The following BICC1 variants were observed in gnomAD, a reference collection of about 807,000 sequenced individuals.
BICC1 encodes the protein protein bicaudal C homolog 1.
BICC1 carries 43 observed loss-of-function variants against 111.0 expected under a neutral mutation model. That is an observed-to-expected ratio of 0.39 (90% CI 0.30 to 0.50). The LOEUF (loss-of-function observed/expected upper bound fraction) is 0.50, where lower values mean the gene tolerates loss of function less well. Ranked by LOEUF, BICC1 falls within the 20% of genes least tolerant of loss-of-function variation. The probability of loss-of-function intolerance (pLI) is 0.88; values close to 1 mark genes in which losing one functional copy is unlikely to be tolerated. For missense variants in BICC1, 1,091 were observed against 1,203.2 expected (o/e 0.91, Z 1.38); for synonymous variants, 467 against 434.4 (o/e 1.07, Z -0.93).
intron 20 of BICC1, among the ~76,000 whole-genome samples, chr10:58,826,162 C>G (rs1363495976): frequency 6.6e-6 from 1 of 151,972 alleles, no homozygotes; most frequent in African/African-American, 2.4e-5. Flanking sequence ...CTCCATGATT[C>G]AAGAAAAAGC....
intron 20 of BICC1, among the ~76,000 whole-genome samples, chr10:58,826,141 A>G (rs1844387823): frequency 6.6e-6 from 1 of 152,216 alleles, no homozygotes; most frequent in African/African-American, 2.4e-5. Context: ...ATAAAAAAGC[A>G]TACTTATTGA....
chr10:58,784,274 C>T (rs1320357147), intron 3 of BICC1, among the ~76,000 whole-genome samples: 1 of 152,112 alleles, frequency 6.6e-6, no homozygotes, highest in Admixed American at 6.6e-5. Flanking sequence ...TGGAACAGTG[C>T]CTGGTACATA....
chr10:58,531,851 A>G (rs1296178553), intron 1 of BICC1, among the ~76,000 whole-genome samples: 1 of 151,838 alleles, frequency 6.6e-6, no homozygotes, highest in Non-Finnish European at 1.5e-5. Flanking sequence ...CAGCAAACTC[A>G]AAGACAGGTC....
At chr10:58,631,275 C>T (rs1024156482) in intron 2 of BICC1, among the ~76,000 whole-genome samples, 3 of 152,050 alleles carry the variant, frequency 2.0e-5, no homozygotes, top group African/African-American at 7.2e-5. Flanking sequence ...TACTCTATGC[C>T]TCTCTAAGTA....
At chr10:58,571,466 T>C (rs1167274206) in intron 1 of BICC1, among the ~76,000 whole-genome samples, 1 of 152,130 alleles carries the variant, frequency 6.6e-6, no homozygotes, top group African/African-American at 2.4e-5. Flanking sequence ...CCACTACTTA[T>C]TCTTCTTGAT....
At chr10:58,685,642 G>C (rs997856200) in intron 2 of BICC1, among the ~76,000 whole-genome samples, 1 of 152,052 alleles carries the variant, frequency 6.6e-6, no homozygotes, top group African/African-American at 2.4e-5. Flanking sequence ...TGTCTCTTTT[G>C]ATCTCTGTTG....
intron 2 of BICC1, among the ~76,000 whole-genome samples, chr10:58,653,896 T>A (rs1384711660): frequency 6.7e-6 from 1 of 148,346 alleles, no homozygotes; most frequent in Non-Finnish European, 1.5e-5. Flanking sequence ...GTGATCTCAT[T>A]GTTCAATTCC....
At chr10:58,672,577 A>G (rs1005531495) in intron 2 of BICC1, among the ~76,000 whole-genome samples, 2 of 152,140 alleles carry the variant, frequency 1.3e-5, no homozygotes, top group African/African-American at 2.4e-5. Flanking sequence ...TTTTCATGAC[A>G]CTTAACTTTG....
At chr10:58,735,502 T>C (rs770649797) in intron 3 of BICC1, among the ~76,000 whole-genome samples, 2 of 151,740 alleles carry the variant, frequency 1.3e-5, no homozygotes, top group Non-Finnish European at 2.9e-5. Flanking sequence ...AATGTGTTAA[T>C]TGAGAAAGGA....
intron 3 of BICC1, among the ~76,000 whole-genome samples, chr10:58,763,699 A>AC (rs999895242): frequency 1.3e-5 from 2 of 152,016 alleles, no homozygotes; most frequent in African/African-American, 4.8e-5. Context: ...CCATTGCACC[A>AC]CCCAGAAAAG....
Position 58,637,556 on chromosome 10 carries a change from C to T in BICC1, c.237+16655C>T, listed in dbSNP as rs146285962. 6.4e-4 allele frequency among the ~76,000 whole-genome samples: 98 copies of T among 152,338 alleles called. No homozygotes were observed. In the Middle Eastern group the frequency reaches 0.01, roughly 16 times the overall value. ...GTTCATTGTCTTCCCTCCTCACGCA[C>T]GCTTTGCTTTCAGCTTTTGGCTTTA... On this transcript the variant is annotated intron_variant, in intron 2 of 20. Coordinates refer to ENST00000373886, the MANE Select transcript of BICC1 (RefSeq NM_001080512.3).
At chr10:58,575,208 G>C (rs1220732520) in intron 1 of BICC1, among the ~76,000 whole-genome samples, 1 of 151,858 alleles carries the variant, frequency 6.6e-6, no homozygotes, top group Non-Finnish European at 1.5e-5. Flanking sequence ...ACAGGCCCCG[G>C]TGTATGATGT....
At chr10:58,609,129 ACT>A (rs1468417527) in intron 1 of BICC1, among the ~76,000 whole-genome samples, 46 of 152,298 alleles carry the variant, frequency 3.0e-4, no homozygotes, top group South Asian at 1.0e-3. Context: ...ATCCACATAA[ACT>A]CTTAAATACT....
chr10:58,604,653 A>G (rs1315487922), intron 1 of BICC1, among the ~76,000 whole-genome samples: 1 of 152,132 alleles, frequency 6.6e-6, no homozygotes, highest in Admixed American at 6.5e-5. Context: ...AGAGCGGGGG[A>G]AAAAATAAAA....
chr10:58,720,699 C>T (rs1386663938), intron 3 of BICC1, among the ~76,000 whole-genome samples: 1 of 152,128 alleles, frequency 6.6e-6, no homozygotes, highest in African/African-American at 2.4e-5. Context: ...TCGGTGACAG[C>T]CGGTGACCTT....
intron 3 of BICC1, among the ~76,000 whole-genome samples, chr10:58,732,303 A>G (rs943195625): frequency 2.4e-4 from 35 of 147,132 alleles, no homozygotes; most frequent in African/African-American, 8.9e-4. Context: ...AAGAGAGGAA[A>G]GAGAGAGGAG....
rs781582242 is a variant in BICC1 at position 58,785,032 on chromosome 10, A to T, written c.339A>T (p.Glu113Asp). Residue 113 changes from glutamate (E) to aspartate (D), a missense_variant, in exon 4 of 21, where the codon GAA becomes GAT. By Grantham distance (45) the Glu-to-Asp change is conservative (BLOSUM62 2). This residue lies in a region of BICC1 where 843 missense variants were observed against 900.8 expected (regional missense o/e 0.94). Transcript: ENST00000373886. ...ATATTAAGGTTTCTGGAAAGAAAGA[A>T]GATGTTAAAGAAGCCAAGGAAATGA... ...DPHIKVSGKK[E>D]DVKEAKEMIM... 23 of 1,600,326 alleles carry T rather than the reference A, an allele frequency of 1.4e-5. No individual in the cohort carries two copies. The highest frequency in any genetic ancestry group is 6.7e-5 in the African/African-American group (5 of 74,278).
chr10:58,647,293 A>G (rs563745189), intron 2 of BICC1, among the ~76,000 whole-genome samples: 14 of 152,318 alleles, frequency 9.2e-5, no homozygotes, highest in Admixed American at 2.6e-4. Context: ...TAACTATTGA[A>G]AACAGAATAT....
intron 1 of BICC1, among the ~76,000 whole-genome samples, chr10:58,589,575 T>C (rs753704464): frequency 2.0e-5 from 3 of 151,884 alleles, no homozygotes; most frequent in Admixed American, 6.6e-5. Flanking sequence ...GGGGTCAAGC[T>C]ATTCTCTTGC....
Sources: gnomAD v4.1 joint callset for allele counts (sites outside exome capture counted in the v4.1 genomes callset) on GRCh38, gnomAD v4.1.1 for gene constraint, gnomAD v4.1.1 regional missense constraint, MANE v1.5 for transcripts, NCBI Gene and HGNC (gene_info 2026-07-23, HGNC 2026-07-21) for gene names.